KYAT1: variants seen among roughly 807,000 people sequenced by gnomAD.
KYAT1 encodes the protein kynurenine aminotransferase 1.
Under a neutral mutation model 52.4 loss-of-function variants are expected in KYAT1, and 47 were observed. That is an observed-to-expected ratio of 0.90 (90% confidence interval 0.71 to 1.14). KYAT1 has a LOEUF of 1.14. KYAT1 is among the 50% of genes most tolerant of loss of function. KYAT1 has a pLI of 0.00. For missense variants in KYAT1, 480 were observed against 557.9 expected, an observed-to-expected ratio of 0.86 and a Z score of 1.41; for synonymous variants, 212 against 209.6, an observed-to-expected ratio of 1.01 and a Z score of -0.10.
At chr9:128,876,862 G>A (rs1388141041) in intron 1 of KYAT1, among the ~76,000 whole-genome samples, 1 of 151,518 alleles carries the variant, frequency 6.6e-6, no homozygotes, top group Non-Finnish European at 1.5e-5. Flanking sequence ...AAGTAGCCGG[G>A]ATTACAGGTG....
intron 1 of KYAT1, among the ~76,000 whole-genome samples, chr9:128,854,535 C>G (rs1341576408): frequency 6.6e-6 from 1 of 152,200 alleles, no homozygotes; most frequent in Non-Finnish European, 1.5e-5. Flanking sequence ...AAGCCGCCGA[C>G]CTGGGCCCAG....
At chr9:128,878,051 C>T (rs1000982412) in intron 1 of KYAT1, among the ~76,000 whole-genome samples, 1 of 152,184 alleles carries the variant, frequency 6.6e-6, no homozygotes, top group African/African-American at 2.4e-5. Flanking sequence ...TCAGCTTCCT[C>T]ATCTGTACAA....
Position 128,837,670 on chromosome 9 carries a change from A to C in KYAT1, c.567+15T>G. ...CAGGTCCGCAGGGGGCCAGGGAAGGAGGTCCCTCCAGTACCTTGCCCAGGG... is the reference window on the plus strand; with the variant it reads ...CAGGTCCGCAGGGGGCCAGGGAAGGCGGTCCCTCCAGTACCTTGCCCAGGG... On this transcript the variant is annotated intron_variant, in intron 6 of 12. Coordinates refer to ENST00000302586, the MANE Select transcript of KYAT1 (RefSeq NM_004059.5). 1 of 1,613,868 alleles carries C rather than the reference A, an allele frequency of 6.2e-7. No individual in the cohort carries two copies. Among genetic ancestry groups the C allele is most frequent in the Non-Finnish European group, 8.5e-7 (1 of 1,179,884 alleles).
At chr9:128,868,197 G>A (rs1836686488) in intron 1 of KYAT1, among the ~76,000 whole-genome samples, 1 of 149,006 alleles carries the variant, frequency 6.7e-6, no homozygotes, top group Admixed American at 6.7e-5. Flanking sequence ...TTTTTTTTGA[G>A]TCAGAGTCTC....
intron 1 of KYAT1, among the ~76,000 whole-genome samples, chr9:128,873,945 CAAAAA>C (rs55713807): frequency 5.7e-5 from 6 of 105,836 alleles, no homozygotes; most frequent in Admixed American, 9.9e-5. Flanking sequence ...ATCTCCGTCT[CAAAAA>C]AAAAAAAAAA....
At chr9:128,838,420 GC>G in intron 3 of KYAT1, 53 bp from the exon 4 acceptor site, 1 of 1,608,644 alleles carries the variant, frequency 6.2e-7, no homozygotes, top group Non-Finnish European at 8.5e-7. Context: ...CCATCCTCCG[GC>G]CCAGCTGTAT....
intron 1 of KYAT1, among the ~76,000 whole-genome samples, chr9:128,863,107 A>C (rs1220521186): frequency 6.6e-6 from 1 of 151,758 alleles, no homozygotes; most frequent in Non-Finnish European, 1.5e-5. Flanking sequence ...GATTACAGGC[A>C]TGAGCCACCA....
chr9:128,852,189 A>G (rs1429912404), intron 1 of KYAT1, among the ~76,000 whole-genome samples: 1 of 152,188 alleles, frequency 6.6e-6, no homozygotes, highest in South Asian at 2.1e-4. Flanking sequence ...TTCAGAAAAA[A>G]TCAGGCAGAT....
intron 3 of KYAT1, among the ~76,000 whole-genome samples, chr9:128,841,557 G>T (rs544488015): frequency 4.6e-5 from 7 of 151,474 alleles, no homozygotes; most frequent in African/African-American, 1.7e-4. Flanking sequence ...TTAGCTGGGC[G>T]TGGGGGCGCA....
intron 1 of KYAT1, among the ~76,000 whole-genome samples, chr9:128,877,612 C>T (rs1838237969): frequency 6.6e-6 from 1 of 152,194 alleles, no homozygotes; most frequent in Non-Finnish European, 1.5e-5. Context: ...GGACAGGAGC[C>T]ATGTCTTGTC....
intron 7 of KYAT1, 110 bp from the exon 8 acceptor site, chr9:128,836,183 T>C (rs1244225861): frequency 7.4e-6 from 6 of 809,754 alleles, no homozygotes; most frequent in Non-Finnish European, 1.2e-5. Flanking sequence ...CCTGGATTCC[T>C]CTACATACTA....
intron 1 of KYAT1, among the ~76,000 whole-genome samples, chr9:128,848,464 G>C (rs1353832140): frequency 6.6e-6 from 1 of 152,032 alleles, no homozygotes; most frequent in African/African-American, 2.4e-5. Context: ...TAAGTCAATT[G>C]AATAGAACTG....
intron 7 of KYAT1, among the ~76,000 whole-genome samples, chr9:128,836,325 G>A (rs1307268213): frequency 3.4e-5 from 4 of 116,928 alleles, no homozygotes; most frequent in Non-Finnish European, 6.6e-5. Flanking sequence ...TTGAGATGGA[G>A]TCTCGCTCTG....
chr9:128,875,818 GC>G (rs990628436), intron 1 of KYAT1, among the ~76,000 whole-genome samples: 5 of 152,126 alleles, frequency 3.3e-5, no homozygotes, highest in Admixed American at 1.3e-4. Flanking sequence ...AGTGGCCTGT[GC>G]CCCCCTCCAA....
intron 1 of KYAT1, among the ~76,000 whole-genome samples, chr9:128,865,434 C>T (rs1425007158): frequency 2.2e-5 from 3 of 137,612 alleles, no homozygotes; most frequent in Non-Finnish European, 4.5e-5. Context: ...GCGATCTTGG[C>T]TCACTGCAAC....
At chr9:128,873,075 A>T (rs1362642431) in intron 1 of KYAT1, among the ~76,000 whole-genome samples, 2 of 115,440 alleles carry the variant, frequency 1.7e-5, no homozygotes, top group African/African-American at 4.0e-5. Context: ...GACTCCATTT[A>T]AAAAAAAAAA....
rs375695683 is a variant in KYAT1, at chr9:128,845,362, T to A, written c.44A>T (p.Tyr15Phe). 3.7e-6 allele frequency: 6 copies of A among 1,613,788 alleles called. No individual in the cohort carries two copies. Among genetic ancestry groups the A allele is most frequent in the Non-Finnish European group, 5.1e-6 (6 of 1,179,918 alleles). The part of the protein sequence containing the change: ...LQARRLDGID[Y>F]NPWVEFVKLA... The stretch of plus-strand genomic sequence containing the variant: ...AGCCCAGCTGGCTCACCAGGGGTTG[T>A]AGTCGATCCCGTCTAGCCTTCGGGC... The change falls in exon 2 of 13, where the codon TAC becomes TTC. Residue 15 changes from tyrosine (Y) to phenylalanine (F), a missense_variant. Physicochemically the swap from Tyr to Phe is conservative, Grantham distance 22. Transcript: ENST00000302586.
At chr9:128,858,557 G>C (rs1162776623) in intron 1 of KYAT1, among the ~76,000 whole-genome samples, 1 of 151,566 alleles carries the variant, frequency 6.6e-6, no homozygotes, top group Admixed American at 6.6e-5. Flanking sequence ...AATTAGCCAG[G>C]CGTGATGGCA....
rs200101828 is a variant in KYAT1, at chr9:128,853,829, T to G, written c.-6-8418A>C. Among the ~76,000 whole-genome samples the G allele has an allele frequency of 7.2e-5, 11 of 152,348 alleles. No homozygotes were observed. The East Asian group carries it at 2.1e-3, about 29-fold the overall frequency. ...ATTGTACTCAGTGTCAAGTCCTACA[T>G]GTGCCCACTCAGGAGGCAGGAGTTA... On this transcript the variant is annotated intron_variant, in intron 1 of 12. Coordinates refer to ENST00000302586, the MANE Select transcript of KYAT1 (RefSeq NM_004059.5).
Sources: allele counts gnomAD v4.1 joint callset (sites outside exome capture counted in the v4.1 genomes callset), GRCh38; gene constraint gnomAD v4.1.1; transcripts MANE v1.5; gene names NCBI Gene and HGNC (gene_info 2026-07-23, HGNC 2026-07-21).